PGK1: variants seen among roughly 807,000 people sequenced by gnomAD.
PGK1 encodes PRP 2.
PGK1 carries 3 observed loss-of-function variants against 26.9 expected under a neutral mutation model. The ratio of observed to expected loss-of-function variants is 0.11; its 90% confidence interval spans 0.05 to 0.29. PGK1 has a LOEUF of 0.29. Among genes scored for constraint, PGK1 ranks in the 10% least tolerant of loss-of-function variants. PGK1 has a pLI of 1.00. For missense variants in PGK1, 270 were observed against 314.7 expected, an observed-to-expected ratio of 0.86 and a Z score of 1.07; for synonymous variants, 125 against 115.3, an observed-to-expected ratio of 1.08 and a Z score of -0.54.
Position 78,124,143 on chromosome X carries a change from TATC to T in PGK1, c.937-728_937-726del, listed in dbSNP as rs782170493. On this transcript the variant is annotated intron_variant, in intron 8 of 10. Transcript: ENST00000373316. ...ATAGTTGATTTTAGGGTGCTCCAAA[TATC>T]ATTTTGATTGCTGTATAAAATTGTA... Among the ~76,000 whole-genome samples the T allele has an allele frequency of 9.8e-5, 11 of 112,108 alleles. No homozygotes were observed. The East Asian group carries it at 2.0e-3, about 20-fold the overall frequency.
chrX:78,104,609 C>A (rs1302400851), intron 1 of PGK1, among the ~76,000 whole-genome samples: 1 of 111,411 alleles, frequency 9.0e-6, no homozygotes. Flanking sequence ...CGAAGTCACC[C>A]TTCGGGGATG....
intron 2 of PGK1, among the ~76,000 whole-genome samples, chrX:78,110,641 GT>G (rs1406542314): frequency 1.2e-4 from 13 of 109,830 alleles, no homozygotes; most frequent in Non-Finnish European, 9.5e-5. Context: ...AAAATTTAAG[GT>G]TACTTGGCTT....
chrX:78,108,854 T>C (rs1367931179), intron 1 of PGK1, among the ~76,000 whole-genome samples: 1 of 112,138 alleles, frequency 8.9e-6, no homozygotes, highest in East Asian at 2.8e-4. Context: ...TGGCATTTAC[T>C]GTGTGTCAGG....
Position 78,120,348 on chromosome X carries a change from CAT to C in PGK1, c.641+2186_641+2187del, listed in dbSNP as rs1346197126. On this transcript the variant is annotated intron_variant, in intron 6 of 10. Coordinates refer to ENST00000373316, the MANE Select transcript of PGK1 (RefSeq NM_000291.4). ...AGGAATGTACACACACACACACACA[CAT>C]ATATATACACACACACACGTATATA... Among the ~76,000 whole-genome samples the C allele has an allele frequency of 6.6e-5, 7 of 106,244 alleles. No homozygotes were observed. In the East Asian group the frequency reaches 8.9e-4, roughly 14 times the overall value. The allele number at this position is 106,244 out of a possible 115,157, so 92.3% of individuals were successfully genotyped here.
chrX:78,107,470 A>G (rs1038340174), intron 1 of PGK1, among the ~76,000 whole-genome samples: 15 of 112,055 alleles, frequency 1.3e-4, no homozygotes, highest in African/African-American at 4.6e-4. Context: ...CAAAAATACT[A>G]TACAGATTGA....
intron 1 of PGK1, chrX:78,106,358 C>T: frequency 1.4e-6 from 1 of 723,820 alleles, no homozygotes; most frequent in African/African-American, 2.3e-5. Context: ...GAACTTTCTC[C>T]CGTAACCTGG....
At chrX:78,122,400 G>A (rs1351309102) in intron 6 of PGK1, among the ~76,000 whole-genome samples, 34 of 95,462 alleles carry the variant, frequency 3.6e-4, no homozygotes, top group African/African-American at 1.4e-3. Flanking sequence ...CAATCTTGAT[G>A]CTCTGAATTT....
Position 78,125,836 on chromosome X carries a change from T to C in PGK1, c.*6T>C. On this transcript the variant is annotated 3_prime_UTR_variant, in exon 11 of 11. Transcript: ENST00000373316. ...ATGCTCTCAGCAATATTTAGTACTT[T>C]CCTGCCTTTTAGTTCCTGTGCACAG... is the stretch of plus-strand genomic sequence containing the variant. The C allele has an allele frequency of 8.4e-7, 1 of 1,189,570 alleles. No individual in the cohort carries two copies. The highest frequency in any genetic ancestry group is 1.1e-6 in the Non-Finnish European group (1 of 875,243).
At chrX:78,117,036 GGT>G (rs1364399383) in intron 4 of PGK1, among the ~76,000 whole-genome samples, 1 of 111,633 alleles carries the variant, frequency 9.0e-6, no homozygotes, top group Non-Finnish European at 1.9e-5. Flanking sequence ...AGGCTAGTGG[GGT>G]GTGGTTAACT....
intron 3 of PGK1, 26 bp from the exon 4 acceptor site, chrX:78,113,990 G>A (rs1557247174): frequency 2.5e-5 from 30 of 1,210,005 alleles, no homozygotes; most frequent in Non-Finnish European, 3.4e-5. Flanking sequence ...TACTGCTCAA[G>A]TGTCTTCATC....
rs1345667900 is a variant in PGK1, at chrX:78,129,143, G to C, written c.*3313G>C. ...GTGAACCTGGGAAGCGGAGCTCGCA[G>C]TGAGCCGAGATCACGCCACTGCACT... On this transcript the variant is annotated 3_prime_UTR_variant, in exon 11 of 11. Transcript: ENST00000373316. The C allele has an allele frequency of 9.0e-6, 1 of 111,571 alleles. No individual in the cohort carries two copies. The highest frequency in any genetic ancestry group is 1.9e-5 in the Non-Finnish European group (1 of 53,204). The allele number at this position is 111,571 out of a possible 1,213,427, so 9.2% of individuals were successfully genotyped here.
chrX:78,116,986 A>T (rs1327779456), intron 4 of PGK1, among the ~76,000 whole-genome samples: 1 of 111,574 alleles, frequency 9.0e-6, no homozygotes, highest in African/African-American at 3.3e-5. Flanking sequence ...AGTCAAGGAG[A>T]GGGAAGGATA....
chrX:78,123,745 A>G (rs1234306442), intron 8 of PGK1, among the ~76,000 whole-genome samples: 1 of 109,162 alleles, frequency 9.2e-6, no homozygotes, highest in Non-Finnish European at 1.9e-5. Context: ...AGTAGCTGGG[A>G]CTACAGGTGT....
rs1557248650 is a variant in PGK1, at chrX:78,125,980, G to A, written c.*150G>A. 3 of 548,089 alleles carry A rather than the reference G, an allele frequency of 5.5e-6. No homozygotes were observed. The Admixed American group carries it at 7.1e-5, about 13-fold the overall frequency. The allele number at this position is 548,089 out of a possible 1,213,427, so 45.2% of individuals were successfully genotyped here. ...CCAGGAACCCTTAAACAGTTGCACA[G>A]CATCTCAGCTCATCTTCACTGCACC... On this transcript the variant is annotated 3_prime_UTR_variant, in exon 11 of 11. Coordinates refer to ENST00000373316, the MANE Select transcript of PGK1 (RefSeq NM_000291.4).
At chrX:78,117,625 G>A (rs1489758278) in intron 5 of PGK1, among the ~76,000 whole-genome samples, 7 of 112,687 alleles carry the variant, frequency 6.2e-5, no homozygotes, top group African/African-American at 2.3e-4. Flanking sequence ...AGGGCTTTTT[G>A]TGGAGTTTCA....
At chrX:78,115,271 A>G (rs1434778172) in intron 4 of PGK1, among the ~76,000 whole-genome samples, 7 of 111,691 alleles carry the variant, frequency 6.3e-5, no homozygotes, top group African/African-American at 2.3e-4. Flanking sequence ...TATGTAGTCT[A>G]TGACTTTTTT....
chrX:78,113,788 G>A lies in PGK1; in HGVS notation c.161G>A (p.Gly54Glu). The A allele has an allele frequency of 1.7e-6, 2 of 1,208,767 alleles. No homozygotes were observed. The highest frequency in any genetic ancestry group is 2.2e-5 in the Admixed American group (1 of 45,969). ...VPSIKFCLDN[G>E]AKSVVLMSHL... ...AGCATCAAATTCTGCTTGGACAATG[G>A]AGCCAAGTCGGTAGTCCTTATGAGC... The change falls in exon 3 of 11, where the codon GGA becomes GAA. Residue 54 changes from glycine to glutamate, a missense_variant. Gly to Glu is a moderately conservative substitution (Grantham distance 98). Transcript: ENST00000373316.
At chrX:78,117,752 C>T (rs781933238) in intron 5 of PGK1, among the ~76,000 whole-genome samples, 1 of 112,834 alleles carries the variant, frequency 8.9e-6, no homozygotes, top group Non-Finnish European at 1.9e-5. Context: ...TCCTCTTCTG[C>T]TATCATCAAC....
At chrX:78,118,886 C>G (rs1170177986) in intron 6 of PGK1, among the ~76,000 whole-genome samples, 5 of 111,333 alleles carry the variant, frequency 4.5e-5, no homozygotes, top group Non-Finnish European at 9.4e-5. Flanking sequence ...TGCTGCACCC[C>G]CTCCCACCCT....
Sources: gnomAD v4.1 joint callset for allele counts (sites outside exome capture counted in the v4.1 genomes callset) on GRCh38, gnomAD v4.1.1 for gene constraint, MANE v1.5 for transcripts, NCBI Gene and HGNC (gene_info 2026-07-23, HGNC 2026-07-21) for gene names.